NBEA: variants seen among roughly 807,000 people sequenced by gnomAD.
NBEA encodes lysosomal-trafficking regulator 2.
In NBEA, 44 loss-of-function variants were observed where a neutral mutation model predicts 343.4. The ratio of observed to expected loss-of-function variants is 0.13; its 90% CI spans 0.10 to 0.16. NBEA has a LOEUF of 0.16. NBEA is among the 10% of genes least tolerant of loss of function. NBEA has a pLI of 1.00. For synonymous variants in NBEA, 1,175 were observed against 1,238.7 expected (o/e 0.95, Z 1.08); for missense variants, 2,555 against 3,631.3 (o/e 0.70, Z 7.62).
At chr13:35,582,211 A>G (rs558828154) in intron 45 of NBEA, among the ~76,000 whole-genome samples, 7 of 152,224 alleles carry the variant, frequency 4.6e-5, no homozygotes, top group East Asian at 1.9e-4. Context: ...GCGTGAACCC[A>G]GGAGGCGGAG....
chr13:35,072,628 C>T (rs2063922487), intron 10 of NBEA, among the ~76,000 whole-genome samples: 1 of 152,024 alleles, frequency 6.6e-6, no homozygotes, highest in South Asian at 2.1e-4. Context: ...GGTGTGATCT[C>T]TTGGCTCACT....
intron 48 of NBEA, among the ~76,000 whole-genome samples, chr13:35,619,688 G>A (rs893073737): frequency 9.9e-5 from 15 of 152,104 alleles, no homozygotes; most frequent in Non-Finnish European, 2.2e-4. Context: ...CTGCATTCAG[G>A]TGTGTCTGCC....
At chr13:35,543,619 A>G (rs764767593) in intron 41 of NBEA, among the ~76,000 whole-genome samples, 8 of 152,134 alleles carry the variant, frequency 5.3e-5, no homozygotes, top group East Asian at 3.8e-4. Context: ...CTACCCCTCA[A>G]CAGATCTTAT....
intron 1 of NBEA, among the ~76,000 whole-genome samples, chr13:34,960,190 G>A (rs2059617416): frequency 6.6e-6 from 1 of 152,014 alleles, no homozygotes. Flanking sequence ...GCTAATGTGT[G>A]TGTTTGTGTC....
At chr13:35,055,921 T>C in intron 6 of NBEA, 89 bp from the exon 7 acceptor site, 1 of 1,060,202 alleles carries the variant, frequency 9.4e-7, no homozygotes, top group Non-Finnish European at 1.3e-6. Flanking sequence ...GTCAGCATAT[T>C]CTTGTAGGGT....
At chr13:35,571,613 A>G (rs1025299505) in intron 45 of NBEA, among the ~76,000 whole-genome samples, 1 of 152,196 alleles carries the variant, frequency 6.6e-6, no homozygotes, top group African/African-American at 2.4e-5. Context: ...GCAGTGACAA[A>G]GCAAATTTCC....
chr13:35,409,566 A>G (rs1422125120), intron 38 of NBEA, among the ~76,000 whole-genome samples: 2 of 152,148 alleles, frequency 1.3e-5, no homozygotes, highest in African/African-American at 4.8e-5. Context: ...TTACTTGCAT[A>G]GTGTATTTTA....
chr13:35,203,608 A>C (rs1368727260), intron 31 of NBEA, among the ~76,000 whole-genome samples: 4 of 152,190 alleles, frequency 2.6e-5, no homozygotes, highest in Admixed American at 6.5e-5. Flanking sequence ...CGTCAGTTCC[A>C]CACACATTGC....
chr13:35,088,326 C>G (rs1219975849), intron 10 of NBEA, among the ~76,000 whole-genome samples: 1 of 151,900 alleles, frequency 6.6e-6, no homozygotes, highest in African/African-American at 2.4e-5. Context: ...GGACTTTGGA[C>G]AGACGTTATT....
At chr13:35,057,968 A>G (rs1484445330) in intron 7 of NBEA, among the ~76,000 whole-genome samples, 2 of 152,052 alleles carry the variant, frequency 1.3e-5, no homozygotes, top group Non-Finnish European at 2.9e-5. Flanking sequence ...TTACATATAT[A>G]ATTTTTGCTT....
chr13:35,171,502 G>A, intron 26 of NBEA, 50 bp downstream of exon 26: 1 of 1,444,436 alleles, frequency 6.9e-7, no homozygotes, highest in African/African-American at 1.4e-5. Flanking sequence ...CTACAGAGCA[G>A]CTTTATAAAG....
At chr13:35,269,883 G>C (rs1351443117) in intron 34 of NBEA, among the ~76,000 whole-genome samples, 2 of 152,160 alleles carry the variant, frequency 1.3e-5, no homozygotes, top group African/African-American at 4.8e-5. Flanking sequence ...TTGCTCTGGA[G>C]GGGAGCAAGG....
At chr13:35,294,615 A>C (rs1476985756) in intron 35 of NBEA, among the ~76,000 whole-genome samples, 1 of 152,204 alleles carries the variant, frequency 6.6e-6, no homozygotes. Context: ...TTTAATGGTT[A>C]CTAAAGACTT....
chr13:35,233,057 C>G (rs2075057753), intron 34 of NBEA, among the ~76,000 whole-genome samples: 1 of 152,070 alleles, frequency 6.6e-6, no homozygotes, highest in Non-Finnish European at 1.5e-5. Context: ...TAGAGAAATA[C>G]TTAACAAAGA....
At chr13:35,125,088 G>A (rs889202377) in intron 17 of NBEA, among the ~76,000 whole-genome samples, 13 of 152,274 alleles carry the variant, frequency 8.5e-5, no homozygotes, top group Admixed American at 7.2e-4. Flanking sequence ...GCAGTTTCCT[G>A]TATAAAGATG....
At chr13:35,165,316 A>G (rs1177368881) in intron 24 of NBEA, among the ~76,000 whole-genome samples, 2 of 152,168 alleles carry the variant, frequency 1.3e-5, no homozygotes, top group African/African-American at 4.8e-5. Context: ...TTGAAACTTC[A>G]ACATTAGCAG....
intron 34 of NBEA, among the ~76,000 whole-genome samples, chr13:35,237,676 GAATTTAGGT>G (rs1421475942): frequency 6.6e-6 from 1 of 152,080 alleles, no homozygotes; most frequent in Non-Finnish European, 1.5e-5. Flanking sequence ...GAACAAAACT[GAATTTAGGT>G]AACTGAAGAT....
intron 41 of NBEA, chr13:35,476,198 C>A: frequency 6.2e-7 from 1 of 1,610,010 alleles, no homozygotes; most frequent in Non-Finnish European, 8.5e-7. Context: ...GGATCCAATG[C>A]GGCTGCTAGA....
chr13:35,295,770 G>A (rs1298575322), intron 35 of NBEA, among the ~76,000 whole-genome samples: 1 of 152,096 alleles, frequency 6.6e-6, no homozygotes, highest in Admixed American at 6.5e-5. Flanking sequence ...CGGGCTCTCT[G>A]TTATATGTTC....
Sources: allele counts gnomAD v4.1 joint callset (sites outside exome capture counted in the v4.1 genomes callset), GRCh38; gene constraint gnomAD v4.1.1; transcripts MANE v1.5; gene names NCBI Gene and HGNC (gene_info 2026-07-23, HGNC 2026-07-21).